PEBP4: variants seen among roughly 807,000 people sequenced by gnomAD.
PEBP4 encodes the protein phosphatidylethanolamine-binding protein 4.
In PEBP4, 22 loss-of-function variants were observed where a neutral mutation model predicts 23.9. The observed-to-expected ratio is 0.92, with a 90% confidence interval of 0.66 to 1.31. The LOEUF is 1.31. Ranked by LOEUF, PEBP4 falls within the 40% of genes most tolerant of loss-of-function variation. PEBP4 has a pLI of 0.00. For missense variants in PEBP4, 324 were observed against 281.7 expected (o/e 1.15, Z -1.07); for synonymous variants, 112 against 99.3 (o/e 1.13, Z -0.76).
In PEBP4 at chr8:22,865,282, G is replaced by A. The variant is rs1265885496; in HGVS notation, c.259-47547C>T. On this transcript the variant is annotated intron_variant, in intron 3 of 6. Coordinates refer to ENST00000256404, the MANE Select transcript of PEBP4 (RefSeq NM_144962.3). This position sits in a 1 kb window ranked among gnomAD's most constrained non-coding sequence, Gnocchi z 6.9. The stretch of plus-strand genomic sequence containing the variant: ...ATGACAAAACAACTCCTTGCTCAGG[G>A]CAGCCCGGGAAGAGCGGCGGGCGGA... Among the ~76,000 whole-genome samples, 4 of 152,112 alleles carry A rather than the reference G, an allele frequency of 2.6e-5. No individual in the cohort carries two copies. Among genetic ancestry groups the A allele is most frequent in the African/African-American group, 7.2e-5 (3 of 41,420 alleles).
At chr8:22,892,214 C>T (rs1025289096) in intron 3 of PEBP4, among the ~76,000 whole-genome samples, 4 of 152,086 alleles carry the variant, frequency 2.6e-5, no homozygotes, top group Non-Finnish European at 5.9e-5. Context: ...TAAGTAATAT[C>T]TTTTCTAAAT....
chr8:22,876,543 A>G (rs1012096856), intron 3 of PEBP4, among the ~76,000 whole-genome samples: 5 of 152,178 alleles, frequency 3.3e-5, no homozygotes, highest in Admixed American at 3.3e-4. Flanking sequence ...AACTCAGGAG[A>G]GAGGTCACCA....
intron 3 of PEBP4, among the ~76,000 whole-genome samples, chr8:22,842,129 T>G (rs1189293414): frequency 6.6e-6 from 1 of 152,210 alleles, no homozygotes; most frequent in Non-Finnish European, 1.5e-5. Flanking sequence ...AAGCAGTTAG[T>G]ACAGATAAAA....
chr8:22,729,722 G>A (rs139140569), intron 4 of PEBP4, among the ~76,000 whole-genome samples: 100 of 152,336 alleles, frequency 6.6e-4, no homozygotes, highest in African/African-American at 2.2e-3. Flanking sequence ...GACTGTTCAG[G>A]TCCCCCCTGG....
At chr8:22,867,196 T>C (rs1428991707) in intron 3 of PEBP4, among the ~76,000 whole-genome samples, 1 of 152,148 alleles carries the variant, frequency 6.6e-6, no homozygotes, top group Non-Finnish European at 1.5e-5. Flanking sequence ...AAAGTTATTA[T>C]TGTGTTATAA....
intron 4 of PEBP4, among the ~76,000 whole-genome samples, chr8:22,806,142 T>C (rs989330812): frequency 6.6e-6 from 1 of 152,232 alleles, no homozygotes; most frequent in Non-Finnish European, 1.5e-5. Context: ...CCCTTCTGTA[T>C]GTGTGCAACT....
chr8:22,861,498 AC>A (rs1219701229), intron 3 of PEBP4, among the ~76,000 whole-genome samples: 3 of 152,240 alleles, frequency 2.0e-5, no homozygotes, highest in Non-Finnish European at 4.4e-5. Context: ...ATTAAGTCAT[AC>A]GGCCAGAATG....
chr8:22,777,853 G>A (rs1157687170), intron 4 of PEBP4, among the ~76,000 whole-genome samples: 1 of 152,170 alleles, frequency 6.6e-6, no homozygotes, highest in African/African-American at 2.4e-5. Context: ...GTGGGAGAAG[G>A]CTGCTTTTCA....
intron 3 of PEBP4, among the ~76,000 whole-genome samples, chr8:22,861,693 T>G (rs1367459120): frequency 6.6e-6 from 1 of 152,214 alleles, no homozygotes; most frequent in African/African-American, 2.4e-5. Context: ...TTCTGAGTCT[T>G]GCAGCCCATC....
At chr8:22,785,481 C>A (rs1469194242) in intron 4 of PEBP4, among the ~76,000 whole-genome samples, 1 of 152,156 alleles carries the variant, frequency 6.6e-6, no homozygotes, top group East Asian at 1.9e-4. Flanking sequence ...GGGTAAGGCT[C>A]TAAAAGGCAA....
chr8:22,812,837 C>T (rs1320600300), intron 4 of PEBP4, among the ~76,000 whole-genome samples: 5 of 152,126 alleles, frequency 3.3e-5, no homozygotes, highest in African/African-American at 9.7e-5. Flanking sequence ...ATACACGTGC[C>T]GCTTCCTATA....
At chr8:22,918,391 C>T (rs899026830) in intron 3 of PEBP4, among the ~76,000 whole-genome samples, 4 of 152,152 alleles carry the variant, frequency 2.6e-5, no homozygotes, top group African/African-American at 9.7e-5. Context: ...CCACCCCACC[C>T]CCGGGCTGAG....
rs967024628 is a variant in PEBP4, at chr8:22,732,598, T to C, written c.358-5378A>G. Among the ~76,000 whole-genome samples the C allele has an allele frequency of 4.0e-5, 6 of 151,662 alleles. No individual in the cohort carries two copies. In the East Asian group the frequency reaches 7.8e-4, roughly 20 times the overall value. ...TTTAAAGAAATGAAAAGAAAAAGAA[T>C]AGTAGTCACTCCTTTTTCCTAGAAG... On this transcript the variant is annotated intron_variant, in intron 4 of 6. Transcript: ENST00000256404.
chr8:22,906,935 G>A (rs1006092051), intron 3 of PEBP4, among the ~76,000 whole-genome samples: 1 of 152,246 alleles, frequency 6.6e-6, no homozygotes, highest in Non-Finnish European at 1.5e-5. Flanking sequence ...GGTGGTGAAG[G>A]AAAGTGGTGA....
chr8:22,846,881 G>A (rs776202149), intron 3 of PEBP4, among the ~76,000 whole-genome samples: 4 of 152,182 alleles, frequency 2.6e-5, no homozygotes, highest in Non-Finnish European at 5.9e-5. Context: ...GGGGGTCCTG[G>A]CAGGGCACGA....
intron 4 of PEBP4, among the ~76,000 whole-genome samples, chr8:22,779,084 A>AAGGGGGGGGGGGGGGGGGGGGGGGG (rs1805868992): frequency 7.0e-5 from 1 of 14,360 alleles, no homozygotes; most frequent in African/African-American, 2.8e-4. Context: ...GAGGTGGGGG[A>AAGGGGGGGGGGGGGGGGGGGGGGGG]GGAGGGGGAT....
chr8:22,887,112 G>GTGTGTGTGTGTGTGTGTGTGTGTT (rs1563249896), intron 3 of PEBP4: 2 of 147,938 alleles, frequency 1.4e-5, no homozygotes, highest in Non-Finnish European at 3.0e-5. Context: ...GTGTGTGTGT[G>GTGTGTGTGTGTGTGTGTGTGTGTT]TGTGTATGTG....
intron 2 of PEBP4, chr8:22,925,347 G>A: frequency 1.0e-6 from 1 of 984,654 alleles, no homozygotes; most frequent in African/African-American, 1.7e-5. Flanking sequence ...TGGGGTGAAG[G>A]TTGTCAGAAG....
chr8:22,800,503 C>G (rs149237547), intron 4 of PEBP4, among the ~76,000 whole-genome samples: 3 of 152,028 alleles, frequency 2.0e-5, no homozygotes. Flanking sequence ...GCTTCAGGCA[C>G]GTGTTGTGAC....
Sources: gnomAD v4.1 joint callset for allele counts (sites outside exome capture counted in the v4.1 genomes callset) on GRCh38, gnomAD v4.1.1 for gene constraint, Gnocchi (gnomAD v3.1) non-coding constraint, MANE v1.5 for transcripts, NCBI Gene and HGNC (gene_info 2026-07-23, HGNC 2026-07-21) for gene names.